The following MMP16 variants were observed in gnomAD, a reference collection of about 807,000 sequenced individuals.
MMP16 encodes matrix metalloproteinase-16.
MMP16 carries 12 observed loss-of-function variants against 67.8 expected under a neutral mutation model. The ratio of observed to expected loss-of-function variants is 0.18; its 90% CI spans 0.11 to 0.29. MMP16 has a LOEUF of 0.29. MMP16 is among the 10% of genes least tolerant of loss of function. The pLI is 1.00. For synonymous variants in MMP16, 249 were observed against 255.9 expected (o/e 0.97, Z 0.26); for missense variants, 475 against 765.7 (o/e 0.62, Z 4.48).
rs969146820 is a variant in MMP16, at chr8:88,032,730, A to G, written c.*8731T>C. 2 of 152,070 alleles carry G rather than the reference A, an allele frequency of 1.3e-5. No homozygotes were observed. Among genetic ancestry groups the G allele is most frequent in the African/African-American group, 4.8e-5 (2 of 41,418 alleles). The allele number at this position is 152,070 out of a possible 1,614,324, so 9.4% of individuals were successfully genotyped here. A position where few individuals can be genotyped will look rare whatever the true frequency, so the allele number is the denominator to read the frequency against. On this transcript the variant is annotated 3_prime_UTR_variant, in exon 10 of 10. Transcript: ENST00000286614. ...TGAAAAAAAAAATGCCAGATTTAAG[A>G]TGGTATAAGTGTATAGAATCCTGTG...
chr8:88,065,032 G>A (rs1447764586), intron 7 of MMP16, among the ~76,000 whole-genome samples: 2 of 152,100 alleles, frequency 1.3e-5, no homozygotes, highest in African/African-American at 4.8e-5. Context: ...ACTGATCACA[G>A]CAGAGTACTA....
intron 1 of MMP16, among the ~76,000 whole-genome samples, chr8:88,232,634 A>C (rs1379065329): frequency 6.6e-6 from 1 of 152,216 alleles, no homozygotes; most frequent in Non-Finnish European, 1.5e-5. Flanking sequence ...CAAGTCCTTT[A>C]AATATCTGGT....
At chr8:88,215,312 ACT>A (rs1222774940) in intron 1 of MMP16, among the ~76,000 whole-genome samples, 1 of 150,876 alleles carries the variant, frequency 6.6e-6, no homozygotes, top group African/African-American at 2.4e-5. Context: ...ACAGAGTGAG[ACT>A]CTGTCTAAAA....
chr8:88,053,890 A>T (rs1184677930), intron 8 of MMP16, among the ~76,000 whole-genome samples: 1 of 152,154 alleles, frequency 6.6e-6, no homozygotes, highest in African/African-American at 2.4e-5. Flanking sequence ...ATAGAGCTTA[A>T]AAGTAATAAA....
chr8:88,294,729 T>G (rs944540220), intron 1 of MMP16, among the ~76,000 whole-genome samples: 7 of 152,216 alleles, frequency 4.6e-5, no homozygotes, highest in African/African-American at 1.7e-4. Context: ...GTTTTTCATT[T>G]TTTGAGGTGG....
At chr8:88,110,477 T>C (rs149260902) in intron 6 of MMP16, among the ~76,000 whole-genome samples, 2 of 151,726 alleles carry the variant, frequency 1.3e-5, no homozygotes, top group African/African-American at 2.4e-5. Flanking sequence ...CTGCTTTCAA[T>C]GTCTTGACGA....
chr8:88,098,662 C>T (rs751280730), intron 6 of MMP16, among the ~76,000 whole-genome samples: 9 of 151,912 alleles, frequency 5.9e-5, no homozygotes, highest in Admixed American at 3.9e-4. Context: ...AAATTCATAA[C>T]ATTCATTGAC....
intron 9 of MMP16, among the ~76,000 whole-genome samples, chr8:88,042,854 A>G (rs1027902140): frequency 6.6e-6 from 1 of 152,158 alleles, no homozygotes; most frequent in African/African-American, 2.4e-5. Context: ...TTCTGTCCAC[A>G]GCTCATTCAT....
At chr8:88,239,387 T>C (rs1372523709) in intron 1 of MMP16, among the ~76,000 whole-genome samples, 1 of 152,066 alleles carries the variant, frequency 6.6e-6, no homozygotes, top group African/African-American at 2.4e-5. Context: ...TCTTCAAGTT[T>C]TAACTTGTCA....
intron 6 of MMP16, among the ~76,000 whole-genome samples, chr8:88,111,161 G>T (rs1415684384): frequency 1.3e-5 from 2 of 151,624 alleles, no homozygotes; most frequent in African/African-American, 4.8e-5. Flanking sequence ...GGAATAAGTT[G>T]TACCACTAAA....
intron 7 of MMP16, 61 bp from the exon 8 acceptor site, chr8:88,056,339 T>G: frequency 1.3e-6 from 1 of 788,602 alleles, no homozygotes; most frequent in Non-Finnish European, 1.7e-6. Context: ...AGAATATATC[T>G]ATTAACACAT....
chr8:88,165,178 T>TAAAAAAAAAA (rs11325157), intron 4 of MMP16, among the ~76,000 whole-genome samples: 1 of 95,260 alleles, frequency 1.0e-5, no homozygotes. Flanking sequence ...ACCCCATCTC[T>TAAAAAAAAAA]AAAAAAAAAA....
intron 6 of MMP16, among the ~76,000 whole-genome samples, chr8:88,077,555 AAT>A (rs1381232443): frequency 2.6e-5 from 4 of 152,122 alleles, no homozygotes; most frequent in Non-Finnish European, 5.9e-5. Flanking sequence ...CTCTCCACTA[AAT>A]ATATAAGCTC....
intron 6 of MMP16, among the ~76,000 whole-genome samples, chr8:88,085,169 G>A (rs1238399626): frequency 6.6e-6 from 1 of 151,920 alleles, no homozygotes; most frequent in Non-Finnish European, 1.5e-5. Context: ...TAAAAAGAGA[G>A]CAAGGACATT....
intron 7 of MMP16, among the ~76,000 whole-genome samples, chr8:88,073,472 A>T (rs529629009): frequency 6.6e-6 from 1 of 152,090 alleles, no homozygotes; most frequent in Non-Finnish European, 1.5e-5. Flanking sequence ...GGGAAAGAGA[A>T]TTGAGTAGCT....
chr8:88,165,761 C>CAGACCTGCAATAT (rs1190507028), intron 4 of MMP16, among the ~76,000 whole-genome samples: 1 of 152,050 alleles, frequency 6.6e-6, no homozygotes, highest in Non-Finnish European at 1.5e-5. Flanking sequence ...CTTCTACCTA[C>CAGACCTGCAATAT]AATGCTTACA....
chr8:88,211,360 T>C (rs1194480835), intron 1 of MMP16, among the ~76,000 whole-genome samples: 1 of 152,164 alleles, frequency 6.6e-6, no homozygotes, highest in East Asian at 1.9e-4. Context: ...TCCCATTTAA[T>C]TTTTGGTGCA....
At chr8:88,085,821 A>G (rs1808824432) in intron 6 of MMP16, among the ~76,000 whole-genome samples, 1 of 152,058 alleles carries the variant, frequency 6.6e-6, no homozygotes, top group Admixed American at 6.6e-5. Context: ...GTTAACATTT[A>G]TAGTCTAAAA....
intron 1 of MMP16, among the ~76,000 whole-genome samples, chr8:88,227,884 A>G (rs1008788855): frequency 1.3e-5 from 2 of 152,110 alleles, no homozygotes; most frequent in Non-Finnish European, 2.9e-5. Context: ...TTAAAAAACA[A>G]TAGTCATATT....
Sources: allele counts gnomAD v4.1 joint callset (sites outside exome capture counted in the v4.1 genomes callset), GRCh38; gene constraint gnomAD v4.1.1; transcripts MANE v1.5; gene names NCBI Gene and HGNC (gene_info 2026-07-23, HGNC 2026-07-21).